Variants in TNC observed in about 807,000 individuals in gnomAD.
The protein encoded by TNC is tenascin C, also known as tenascin.
In TNC, 109 loss-of-function variants were observed where a neutral mutation model predicts 202.4. The ratio of observed to expected loss-of-function variants is 0.54; its 90% CI spans 0.46 to 0.63. TNC has a LOEUF of 0.63. Ranked by LOEUF, TNC falls within the 30% of genes least tolerant of loss-of-function variation. TNC has a pLI of 0.00. For synonymous variants in TNC, 1,007 were observed against 1,089.7 expected, an observed-to-expected ratio of 0.92 and a Z score of 1.50; for missense variants, 2,756 against 2,833.3, an observed-to-expected ratio of 0.97 and a Z score of 0.62.
Position 115,063,787 on chromosome 9 carries a change from C to T in TNC, c.3760+9G>A, listed in dbSNP as rs374314687. The stretch of plus-strand genomic sequence containing the variant: ...GGAGGAAGTGAATTAGTGAATTCGT[C>T]TAGAATACCTGTCAAGACTTCAACA... On this transcript the variant is annotated intron_variant, in intron 12 of 27. Coordinates refer to ENST00000350763, the MANE Select transcript of TNC (RefSeq NM_002160.4). The T allele has an allele frequency of 1.1e-5, 17 of 1,605,044 alleles. No homozygotes were observed. Among genetic ancestry groups the T allele is most frequent in the Non-Finnish European group, 1.4e-5 (17 of 1,172,934 alleles).
At chr9:115,023,758 T>A (rs1279920482) in intron 27 of TNC, among the ~76,000 whole-genome samples, 1 of 152,244 alleles carries the variant, frequency 6.6e-6, no homozygotes, top group Non-Finnish European at 1.5e-5. Context: ...CCAGTGTTTG[T>A]CCTTGGGACT....
At chr9:115,071,564 A>T (rs7031827) in intron 10 of TNC, among the ~76,000 whole-genome samples, 3 of 151,896 alleles carry the variant, frequency 2.0e-5, no homozygotes, top group Non-Finnish European at 4.4e-5. Flanking sequence ...GTGACTGCGC[A>T]GGTGTGAGGT....
chr9:115,038,233 G>C, intron 20 of TNC, 28 bp downstream of exon 20: 1 of 1,610,318 alleles, frequency 6.2e-7, no homozygotes, highest in Non-Finnish European at 8.5e-7. Flanking sequence ...ACTCCTTAGA[G>C]TGAGGAGAGA....
chr9:115,057,757 T>C (rs917766714), intron 14 of TNC, among the ~76,000 whole-genome samples: 2 of 152,208 alleles, frequency 1.3e-5, no homozygotes, highest in African/African-American at 4.8e-5. Flanking sequence ...GAGCCCTACC[T>C]CAGGGTTGCT....
chr9:115,084,127 G>C, intron 4 of TNC, 82 bp downstream of exon 4: 1 of 1,446,600 alleles, frequency 6.9e-7, no homozygotes, highest in Admixed American at 1.9e-5. Flanking sequence ...CTATAGGATT[G>C]TAGGGGCCGT....
At chr9:115,092,755 T>A (rs1279817933) in intron 1 of TNC, among the ~76,000 whole-genome samples, 97 of 151,626 alleles carry the variant, frequency 6.4e-4, no homozygotes, top group African/African-American at 2.2e-3. Context: ...TTGTATTTTT[T>A]TTTTTTTTTT....
chr9:115,028,303 G>A (rs898153626), intron 25 of TNC, among the ~76,000 whole-genome samples: 2 of 152,082 alleles, frequency 1.3e-5, no homozygotes, highest in Non-Finnish European at 2.9e-5. Context: ...ACTGTTGTTA[G>A]TAAATTCGTC....
chr9:115,038,867 G>A (rs371366182), intron 19 of TNC, among the ~76,000 whole-genome samples: 11 of 151,314 alleles, frequency 7.3e-5, no homozygotes, highest in East Asian at 1.9e-4. Flanking sequence ...TCACTCTGTC[G>A]CCCATGCTGG....
intron 1 of TNC, among the ~76,000 whole-genome samples, chr9:115,094,434 G>A (rs1835461333): frequency 6.6e-6 from 1 of 152,172 alleles, no homozygotes; most frequent in South Asian, 2.1e-4. Context: ...CTTTAAGAAT[G>A]TAAAATATTC....
At chr9:115,116,906 C>G (rs2134573329) in intron 1 of TNC, among the ~76,000 whole-genome samples, 1 of 152,282 alleles carries the variant, frequency 6.6e-6, no homozygotes, top group African/African-American at 2.4e-5. Flanking sequence ...TGAGGAACAA[C>G]ACACAAGAAA....
Position 115,084,410 on chromosome 9 carries a change from C to T in TNC, c.1930G>A (p.Asp644Asn). 6.2e-7 allele frequency: 1 copy of T among 1,614,198 alleles called. No homozygotes were observed. The highest frequency in any genetic ancestry group is 8.5e-7 in the Non-Finnish European group (1 of 1,180,038). ...VTEETVNLAW[D>N]NEMRVTEYLV... is the part of the protein sequence containing the mutation. ...TACTCTGTGACCCGCATCTCATTGT[C>T]CCAGGCCAGGTTGACCGTCTCTTCC... The change falls in exon 4 of 28, where the codon GAC (aspartate) becomes AAC (asparagine). Residue 644 changes from aspartate to asparagine, a missense_variant. Coordinates refer to ENST00000350763, the MANE Select transcript of TNC (RefSeq NM_002160.4).
chr9:115,042,496 G>A (rs1319629660), intron 17 of TNC, among the ~76,000 whole-genome samples, 155 bp from the exon 18 acceptor site: 1 of 152,200 alleles, frequency 6.6e-6, no homozygotes, highest in Non-Finnish European at 1.5e-5. Context: ...CTGTGGTTAA[G>A]TTGTGACTTG....
chr9:115,046,000 A>G (rs2132100655), intron 17 of TNC, among the ~76,000 whole-genome samples: 1 of 152,260 alleles, frequency 6.6e-6, no homozygotes, highest in Admixed American at 6.5e-5. Flanking sequence ...TCTCTGGATA[A>G]AATGATGAGA....
intron 1 of TNC, among the ~76,000 whole-genome samples, chr9:115,093,762 C>A (rs1400984070): frequency 5.9e-5 from 9 of 152,096 alleles, no homozygotes. Flanking sequence ...GACTCCAAGG[C>A]AAAGAGTTTA....
intron 10 of TNC, among the ~76,000 whole-genome samples, chr9:115,065,518 T>A (rs1832881004): frequency 6.6e-6 from 1 of 152,234 alleles, no homozygotes; most frequent in Non-Finnish European, 1.5e-5. Context: ...ATGTTAGCGA[T>A]GCTCTGAGCT....
At chr9:115,022,426 T>G (rs1829143015) in intron 27 of TNC, among the ~76,000 whole-genome samples, 4 of 151,990 alleles carry the variant, frequency 2.6e-5, no homozygotes, top group Admixed American at 2.6e-4. Flanking sequence ...AGAGGGAGAG[T>G]GACTTTGCAG....
At chr9:115,036,925 A>G (rs1830377642) in intron 20 of TNC, among the ~76,000 whole-genome samples, 1 of 152,154 alleles carries the variant, frequency 6.6e-6, no homozygotes, top group African/African-American at 2.4e-5. Context: ...CAAGTTGGTC[A>G]ACTTACCTCA....
intron 2 of TNC, among the ~76,000 whole-genome samples, chr9:115,087,698 C>CTTTTTTTTTTTTTTTTT (rs752435283): frequency 4.2e-5 from 5 of 119,736 alleles, no homozygotes; most frequent in Non-Finnish European, 5.2e-5. Context: ...TCTTTCTTTT[C>CTTTTTTTTTTTTTTTTT]TTTTTTTTTT....
chr9:115,082,349 G>T (rs1324590221), intron 5 of TNC, among the ~76,000 whole-genome samples: 1 of 152,162 alleles, frequency 6.6e-6, no homozygotes, highest in Non-Finnish European at 1.5e-5. Flanking sequence ...CTGGAGAGAA[G>T]GGTTGCTCAA....
Sources: allele counts gnomAD v4.1 joint callset (sites outside exome capture counted in the v4.1 genomes callset), GRCh38; gene constraint gnomAD v4.1.1; transcripts MANE v1.5; gene names NCBI Gene and HGNC (gene_info 2026-07-23, HGNC 2026-07-21).